SGCZ: variants seen among roughly 807,000 people sequenced by gnomAD.
SGCZ encodes zeta-sarcoglycan.
A neutral mutation model predicts 41.3 loss-of-function variants in SGCZ; 40 were observed. The observed-to-expected ratio is 0.97, with a 90% CI of 0.75 to 1.26. SGCZ has a LOEUF of 1.26. Among genes scored for constraint, SGCZ ranks in the 50% most tolerant of loss-of-function variants. SGCZ has a pLI of 0.00. For synonymous variants in SGCZ, 206 were observed against 137.5 expected, an observed-to-expected ratio of 1.50 and a Z score of -3.49; for missense variants, 552 against 369.8, an observed-to-expected ratio of 1.49 and a Z score of -4.04.
chr8:15,064,311 G>A (rs9657248), intron 1 of SGCZ, among the ~76,000 whole-genome samples: 7,681 of 152,076 alleles, frequency 0.051, 255 homozygotes, highest in South Asian at 0.12. Context: ...ATATCACTAT[G>A]AATGACATCA....
At chr8:14,325,745 CACATATATATATATATATAT>C (rs1418518728) in intron 2 of SGCZ, among the ~76,000 whole-genome samples, 506 of 25,468 alleles carry the variant, frequency 0.02, 3 homozygotes, top group Middle Eastern at 0.087. Context: ...CACACACACA[CACATATATATATATATATAT>C]ATATATATAT....
chr8:14,594,851 T>TC (rs1185782015), intron 1 of SGCZ, among the ~76,000 whole-genome samples: 1 of 151,896 alleles, frequency 6.6e-6, no homozygotes, highest in Non-Finnish European at 1.5e-5. Flanking sequence ...AAAATTTTTT[T>TC]ACCAACAATT....
chr8:14,749,438 G>A (rs2130310974), intron 1 of SGCZ, among the ~76,000 whole-genome samples: 1 of 152,248 alleles, frequency 6.6e-6, no homozygotes, highest in East Asian at 1.9e-4. Context: ...ACATGCTTGG[G>A]TCTAGCTTTT....
chr8:14,911,517 A>G (rs1319335618), intron 1 of SGCZ, among the ~76,000 whole-genome samples: 1 of 152,196 alleles, frequency 6.6e-6, no homozygotes, highest in African/African-American at 2.4e-5. Flanking sequence ...AACCTGGGCT[A>G]CCAATCACTA....
intron 1 of SGCZ, among the ~76,000 whole-genome samples, chr8:14,819,976 G>T (rs941353552): frequency 6.6e-6 from 1 of 151,756 alleles, no homozygotes; most frequent in African/African-American, 2.4e-5. Context: ...AAAAGAACCA[G>T]GAAACAACTA....
intron 1 of SGCZ, among the ~76,000 whole-genome samples, chr8:14,644,373 C>G (rs1352834075): frequency 6.6e-6 from 1 of 151,790 alleles, no homozygotes; most frequent in Non-Finnish European, 1.5e-5. Flanking sequence ...TCCTGCTGAC[C>G]TTCCAGCAAG....
At position 15,076,754 on chromosome 8, in the gene SGCZ, A is replaced by ATTT. The variant is rs35515934; in HGVS notation, c.39+160828_39+160830dup. ...CAAGGAACTTAAATAAGTCTCTCTC[A>ATTT]TTTTTTTTTTTTTTTTGCTTCCCTC... On this transcript the variant is annotated intron_variant, in intron 1 of 7. Coordinates refer to ENST00000382080, the MANE Select transcript of SGCZ (RefSeq NM_139167.4). Among the ~76,000 whole-genome samples the ATTT allele has an allele frequency of 9.8e-3, 1,305 of 133,586 alleles. 25 individuals are homozygous for ATTT. The highest frequency in any genetic ancestry group is 0.033 in the African/African-American group (1,237 of 37,036). The allele number at this position is 133,586 out of a possible 152,430, so 87.6% of individuals were successfully genotyped here. A position where few individuals can be genotyped will look rare whatever the true frequency, so the allele number is the denominator to read the frequency against.
chr8:14,472,852 G>A (rs759843558), intron 2 of SGCZ, among the ~76,000 whole-genome samples: 2 of 151,924 alleles, frequency 1.3e-5, no homozygotes, highest in Non-Finnish European at 2.9e-5. Flanking sequence ...ACAAAAAAAG[G>A]TTATATTATC....
chr8:14,890,049 T>G (rs1804954162), intron 1 of SGCZ, among the ~76,000 whole-genome samples: 1 of 152,012 alleles, frequency 6.6e-6, no homozygotes, highest in African/African-American at 2.4e-5. Context: ...AAACTCCGTC[T>G]CTACTAAAAA....
chr8:15,217,579 C>G (rs569364298), intron 1 of SGCZ, among the ~76,000 whole-genome samples: 13 of 152,154 alleles, frequency 8.5e-5, no homozygotes, highest in South Asian at 4.1e-4. Context: ...TTCTTGCCCC[C>G]CCTTGTCCCA....
intron 1 of SGCZ, among the ~76,000 whole-genome samples, chr8:14,677,572 G>C (rs1253896081): frequency 2.0e-5 from 3 of 151,992 alleles, no homozygotes; most frequent in Admixed American, 2.0e-4. Flanking sequence ...GGAGTTAGAG[G>C]CCAGCCTGGC....
chr8:15,056,843 G>A (rs1263803635), intron 1 of SGCZ, among the ~76,000 whole-genome samples: 1 of 152,146 alleles, frequency 6.6e-6, no homozygotes, highest in Non-Finnish European at 1.5e-5. Flanking sequence ...CAGCAATCAA[G>A]CACCTGTTAG....
intron 1 of SGCZ, among the ~76,000 whole-genome samples, chr8:15,185,199 T>C (rs928602829): frequency 1.2e-4 from 19 of 152,152 alleles, no homozygotes; most frequent in Non-Finnish European, 2.8e-4. Context: ...GAGGAAAAAA[T>C]AGAGGGAAAG....
intron 1 of SGCZ, among the ~76,000 whole-genome samples, chr8:14,783,668 A>G (rs944765938): frequency 1.3e-5 from 2 of 152,094 alleles, no homozygotes; most frequent in Non-Finnish European, 2.9e-5. Context: ...GATTTTTCCA[A>G]TGCCATGACT....
At chr8:14,756,394 A>C (rs1419538240) in intron 1 of SGCZ, among the ~76,000 whole-genome samples, 1 of 152,098 alleles carries the variant, frequency 6.6e-6, no homozygotes, top group Admixed American at 6.5e-5. Flanking sequence ...CATGTTGGTC[A>C]GGCTGGTCTC....
intron 2 of SGCZ, among the ~76,000 whole-genome samples, chr8:14,346,019 A>T (rs1251397147): frequency 6.6e-6 from 1 of 152,102 alleles, no homozygotes; most frequent in Admixed American, 6.6e-5. Context: ...ATGTCATTGT[A>T]TATTTGTCAA....
At chr8:14,913,981 A>T (rs1358416083) in intron 1 of SGCZ, among the ~76,000 whole-genome samples, 1 of 145,740 alleles carries the variant, frequency 6.9e-6, no homozygotes, top group Non-Finnish European at 1.5e-5. Context: ...GTAGCATAAT[A>T]AAAAAAAATT....
At chr8:15,036,968 A>T (rs1057308003) in intron 1 of SGCZ, among the ~76,000 whole-genome samples, 1 of 152,202 alleles carries the variant, frequency 6.6e-6, no homozygotes, top group African/African-American at 2.4e-5. Flanking sequence ...AATCAAACAC[A>T]TTAGCAGAAT....
intron 2 of SGCZ, among the ~76,000 whole-genome samples, chr8:14,430,406 A>C (rs908212013): frequency 6.6e-6 from 1 of 152,164 alleles, no homozygotes; most frequent in African/African-American, 2.4e-5. Context: ...CAAGTCAATA[A>C]ATGTAATACA....
Sources: gnomAD v4.1 joint callset for allele counts (sites outside exome capture counted in the v4.1 genomes callset) on GRCh38, gnomAD v4.1.1 for gene constraint, MANE v1.5 for transcripts, NCBI Gene and HGNC (gene_info 2026-07-23, HGNC 2026-07-21) for gene names.